FOXP2: variants seen among roughly 807,000 people sequenced by gnomAD.
The protein encoded by FOXP2 is forkhead box protein P2.
Under a neutral mutation model 115.8 loss-of-function variants are expected in FOXP2, and 12 were observed. That is an observed-to-expected ratio of 0.10 (90% CI 0.07 to 0.17). The LOEUF (loss-of-function observed/expected upper bound fraction) is 0.17, where lower values mean the gene tolerates loss of function less well. Among genes scored for constraint, FOXP2 ranks in the 10% least tolerant of loss-of-function variants. The pLI, the probability that FOXP2 is intolerant of heterozygous loss-of-function variation, is 1.00. For synonymous variants in FOXP2, 328 were observed against 297.7 expected, an observed-to-expected ratio of 1.10 and a Z score of -1.05; for missense variants, 629 against 843.5, an observed-to-expected ratio of 0.75 and a Z score of 3.15.
In FOXP2 at chr7:114,642,487, A is replaced by C. The variant is rs778026488; in HGVS notation, c.853A>C (p.Lys285Gln). Residue 285 changes from lysine (K) to glutamine (Q), a missense_variant, in exon 7 of 17, where the codon AAA becomes CAA. Coordinates refer to ENST00000350908, the MANE Select transcript of FOXP2 (RefSeq NM_014491.4). ...TCACAGTATGGAAGACAATGGCATT[A>C]AACATGGAGGGCTAGACCTCACTAC... ...GVHSMEDNGI[K>Q]HGGLDLTTNN... is the part of the protein sequence containing the mutation. 5.6e-6 allele frequency: 9 copies of C among 1,613,936 alleles called. No homozygotes were observed. Among genetic ancestry groups the C allele is most frequent in the Non-Finnish European group, 7.6e-6 (9 of 1,179,958 alleles).
At chr7:114,495,298 G>A (rs1797255423) in intron 2 of FOXP2, among the ~76,000 whole-genome samples, 2 of 152,064 alleles carry the variant, frequency 1.3e-5, no homozygotes, top group Admixed American at 6.6e-5. Flanking sequence ...AGGTTCTGCA[G>A]AAAACACCAA....
chr7:114,096,523 C>T (rs890977545), intron 1 of FOXP2, among the ~76,000 whole-genome samples: 7 of 152,156 alleles, frequency 4.6e-5, no homozygotes, highest in South Asian at 2.1e-4. Flanking sequence ...CACAGTAAAA[C>T]GACAGTGCAA....
At chr7:114,194,710 T>C (rs1314564308) in intron 1 of FOXP2, among the ~76,000 whole-genome samples, 1 of 152,136 alleles carries the variant, frequency 6.6e-6, no homozygotes, top group African/African-American at 2.4e-5. Context: ...CATAGCAAAT[T>C]TAGTTGTCTT....
chr7:114,596,356 T>C (rs1333925543), intron 3 of FOXP2, among the ~76,000 whole-genome samples: 1 of 152,036 alleles, frequency 6.6e-6, no homozygotes, highest in Admixed American at 6.6e-5. Context: ...AATTGAAAGC[T>C]GGGATTAAGC....
chr7:114,122,839 T>C, intron 1 of FOXP2, among the ~76,000 whole-genome samples: 1 of 152,208 alleles, frequency 6.6e-6, no homozygotes, highest in Non-Finnish European at 1.5e-5. Flanking sequence ...GATTTATTAC[T>C]TATGAATTTG....
intron 2 of FOXP2, among the ~76,000 whole-genome samples, chr7:114,408,988 CAAAAT>C (rs1187959180): frequency 2.6e-5 from 4 of 151,946 alleles, no homozygotes; most frequent in African/African-American, 9.7e-5. Context: ...TTATCATAAA[CAAAAT>C]AATATACTAA....
At chr7:114,375,249 G>A (rs1169913505) in intron 2 of FOXP2, among the ~76,000 whole-genome samples, 2 of 152,180 alleles carry the variant, frequency 1.3e-5, no homozygotes, top group African/African-American at 4.8e-5. Context: ...GGAACAAAAT[G>A]TATGTTTTCC....
At position 114,124,946 on chromosome 7, in the gene FOXP2, A is replaced by C. The variant is rs372430778; in HGVS notation, c.-247+37108A>C. 2.0e-5 allele frequency among the ~76,000 whole-genome samples: 3 copies of C among 152,216 alleles called. No homozygotes were observed. In the East Asian group the frequency reaches 5.8e-4, roughly 29 times the overall value. On this transcript the variant is annotated intron_variant, in intron 1 of 19. Transcript: ENST00000635638. Reference sequence around the variant, plus strand: ...GCATACGTTTTACTGATTTTTAAGGACAAGGAAACAAGAATATAAGCATTA... The same window carrying C: ...GCATACGTTTTACTGATTTTTAAGGCCAAGGAAACAAGAATATAAGCATTA...
chr7:114,327,605 G>A (rs925438421), intron 2 of FOXP2, among the ~76,000 whole-genome samples: 4 of 151,362 alleles, frequency 2.6e-5, no homozygotes, highest in Non-Finnish European at 5.9e-5. Flanking sequence ...AGGTTCAAGC[G>A]ATTCTCCTGC....
At chr7:114,283,978 C>T (rs544468128) in intron 1 of FOXP2, among the ~76,000 whole-genome samples, 2 of 152,150 alleles carry the variant, frequency 1.3e-5, no homozygotes, top group South Asian at 4.1e-4. Context: ...AAGAGCAAAA[C>T]AAAACAAAAC....
rs1357843142 is a variant in FOXP2, at chr7:114,180,348, C to T, written c.-102+17260C>T. On this transcript the variant is annotated intron_variant, in intron 1 of 17. Transcript: ENST00000634411. ...TTGTGAGCCCTTTTTCTGCCCATCT[C>T]ATACATTTATTTTCCTGTGTTCTGT... Among the ~76,000 whole-genome samples, 4 of 152,012 alleles carry T rather than the reference C, an allele frequency of 2.6e-5. No homozygotes were observed. The South Asian group carries it at 6.2e-4, about 24-fold the overall frequency.
In FOXP2 at chr7:114,399,002, T is replaced by C. The variant is rs544339876; in HGVS notation, c.-10-27500T>C. On this transcript the variant is annotated intron_variant, in intron 2 of 17. Coordinates refer to the FOXP2 transcript ENST00000634411. ...CATATCTTCACTGTTGTTCTCACTT[T>C]GCATTATTTTGATTATCAATAAGAT... 1.2e-3 allele frequency among the ~76,000 whole-genome samples: 186 copies of C among 152,280 alleles called. 1 individual carries two copies. Among genetic ancestry groups the C allele is most frequent in the African/African-American group, 4.1e-3 (170 of 41,550 alleles).
At chr7:114,653,803 CG>C in intron 9 of FOXP2, 122 bp from the exon 10 acceptor site, 1 of 1,091,788 alleles carries the variant, frequency 9.2e-7, no homozygotes, top group Non-Finnish European at 1.4e-6. Context: ...TTCCTCCTGA[CG>C]CAGACTTTTA....
chr7:114,630,405 G>A (rs1804837187), intron 5 of FOXP2, among the ~76,000 whole-genome samples: 1 of 152,080 alleles, frequency 6.6e-6, no homozygotes, highest in African/African-American at 2.4e-5. Context: ...GGAGAAACTG[G>A]TTGAGCACAG....
At chr7:114,109,566 A>C (rs1791212699) in intron 1 of FOXP2, among the ~76,000 whole-genome samples, 2 of 152,104 alleles carry the variant, frequency 1.3e-5, no homozygotes, top group Admixed American at 1.3e-4. Context: ...TAAATTTTGT[A>C]ATTTTAGGAA....
rs1425036052 is a variant in FOXP2, at chr7:114,334,928, A to AATATATATAT, written c.-11+46821_-11+46822insATATATATAT. ...TATATATATATTTTATATATATAGA[A>AATATATATAT]ATCTATATATATATATATATATATA... On this transcript the variant is annotated intron_variant, in intron 2 of 17. Transcript: ENST00000634411. Among the ~76,000 whole-genome samples the AATATATATAT allele has an allele frequency of 1.1e-3, 120 of 111,816 alleles. 1 individual carries two copies. Among genetic ancestry groups the AATATATATAT allele is most frequent in the African/African-American group, 3.7e-3 (109 of 29,838 alleles). The allele number at this position is 111,816 out of a possible 152,430, so 73.4% of individuals were successfully genotyped here. A position where few individuals can be genotyped will look rare whatever the true frequency, so the allele number is the denominator to read the frequency against.
At chr7:114,285,445 T>C (rs1478317719) in intron 1 of FOXP2, 2 of 152,082 alleles carry the variant, frequency 1.3e-5, no homozygotes, top group African/African-American at 4.8e-5. Flanking sequence ...GAGAAGTTTG[T>C]GGGAGAGAAA....
At chr7:114,254,125 A>G (rs1795532428) in intron 1 of FOXP2, among the ~76,000 whole-genome samples, 2 of 151,822 alleles carry the variant, frequency 1.3e-5, no homozygotes, top group African/African-American at 2.4e-5. Flanking sequence ...TTGGCCCCCC[A>G]CTCTCTTCTG....
chr7:114,149,989 A>G (rs942318290), intron 1 of FOXP2, among the ~76,000 whole-genome samples: 8 of 152,076 alleles, frequency 5.3e-5, no homozygotes, highest in African/African-American at 1.9e-4. Flanking sequence ...TTATATGAAT[A>G]CCGTTTAGTG....
Sources: allele counts gnomAD v4.1 joint callset (sites outside exome capture counted in the v4.1 genomes callset), GRCh38; gene constraint gnomAD v4.1.1; transcripts MANE v1.5; gene names NCBI Gene and HGNC (gene_info 2026-07-23, HGNC 2026-07-21).